UBE2H: variants seen among roughly 807,000 people sequenced by gnomAD.
UBE2H encodes the protein ubiquitin conjugating enzyme E2 H, also known as ubiquitin-conjugating enzyme E2 H.
In UBE2H, 3 loss-of-function variants were observed where a neutral mutation model predicts 29.0. The observed-to-expected ratio is 0.10, with a 90% CI of 0.05 to 0.27. UBE2H has a LOEUF of 0.27. Ranked by LOEUF, UBE2H falls within the 10% of genes least tolerant of loss-of-function variation. The probability of loss-of-function intolerance (pLI) is 1.00; values close to 1 mark genes in which losing one functional copy is unlikely to be tolerated. For missense variants in UBE2H, 68 were observed against 228.2 expected, an observed-to-expected ratio of 0.30 and a Z score of 4.52; for synonymous variants, 69 against 82.9, an observed-to-expected ratio of 0.83 and a Z score of 0.91.
rs544345069 is a variant in UBE2H, at chr7:129,918,873, G to T, written c.53+33630C>A. Among the ~76,000 whole-genome samples, 18 of 152,070 alleles carry T rather than the reference G, an allele frequency of 1.2e-4. 1 individual carries two copies. The highest frequency in any genetic ancestry group is 7.4e-5 in the Non-Finnish European group (5 of 67,988). On this transcript the variant is annotated intron_variant, in intron 1 of 6. Coordinates refer to ENST00000355621, the MANE Select transcript of UBE2H (RefSeq NM_003344.4). ...TGAGGCAGGTAGATCACTTGAGCCC[G>T]GGAGTTTGAAATCAGCCTGGGCAAC...
rs1805285398 is a variant in UBE2H at position 129,834,454 on chromosome 7, G to A, written c.*483C>T. 6.5e-6 allele frequency: 1 copy of A among 154,574 alleles called. No homozygotes were observed. The highest frequency in any genetic ancestry group is 2.4e-5 in the African/African-American group (1 of 41,438). The allele number at this position is 154,574 out of a possible 1,614,324, so 9.6% of individuals were successfully genotyped here. A position where few individuals can be genotyped will look rare whatever the true frequency, so the allele number is the denominator to read the frequency against. ...GAAGGAGCAGCTCTGATTCTTACAT[G>A]GCTGGCTCCGATGCCCCCACAGCAG... On this transcript the variant is annotated 3_prime_UTR_variant, in exon 7 of 7. Coordinates refer to ENST00000355621, the MANE Select transcript of UBE2H (RefSeq NM_003344.4).
intron 3 of UBE2H, among the ~76,000 whole-genome samples, chr7:129,862,988 C>T (rs1019102610): frequency 2.0e-5 from 3 of 152,190 alleles, no homozygotes; most frequent in Admixed American, 2.0e-4. Context: ...GGGCATTATG[C>T]TTCAACGATC....
chr7:129,888,894 A>G (rs573483674), intron 1 of UBE2H, among the ~76,000 whole-genome samples: 39 of 152,306 alleles, frequency 2.6e-4, no homozygotes, highest in Non-Finnish European at 5.4e-4. Flanking sequence ...TATAGCTTAG[A>G]GTAGGAGAGA....
intron 1 of UBE2H, among the ~76,000 whole-genome samples, chr7:129,893,941 C>G (rs1341255778): frequency 6.7e-4 from 102 of 152,138 alleles, no homozygotes; most frequent in Non-Finnish European, 2.9e-5. Context: ...GGTGGATCAC[C>G]TGAGGTCAGG....
chr7:129,854,060 G>GGTTTTTTTTTTTTTTTTTATTTA (rs1554430936), intron 5 of UBE2H, among the ~76,000 whole-genome samples: 1 of 100,312 alleles, frequency 1.0e-5, no homozygotes, highest in Admixed American at 1.1e-4. Context: ...TTTAGTGTTA[G>GGTTTTTTTTTTTTTTTTTATTTA]TTTTTTTTTT....
At chr7:129,912,544 A>G (rs1046815444) in intron 1 of UBE2H, among the ~76,000 whole-genome samples, 2 of 152,174 alleles carry the variant, frequency 1.3e-5, no homozygotes, top group Non-Finnish European at 2.9e-5. Flanking sequence ...TCTTATACAC[A>G]TAGTCTGAAG....
intron 1 of UBE2H, among the ~76,000 whole-genome samples, chr7:129,916,428 TA>T (rs5741663): frequency 0.88 from 120,797 of 137,586 alleles, 52,959 homozygotes; most frequent in South Asian, 0.97. Context: ...TCTTCCCACT[TA>T]AAAAAAAAAA....
intron 1 of UBE2H, among the ~76,000 whole-genome samples, chr7:129,899,460 G>C (rs1806665188): frequency 1.3e-5 from 2 of 152,134 alleles, no homozygotes; most frequent in African/African-American, 4.8e-5. Flanking sequence ...ATTGTCCAGT[G>C]CTTTTTTTTC....
chr7:129,911,665 T>A (rs1424740920), intron 1 of UBE2H, among the ~76,000 whole-genome samples: 1 of 151,962 alleles, frequency 6.6e-6, no homozygotes, highest in African/African-American at 2.4e-5. Flanking sequence ...AGAGACAGGG[T>A]CTCACTCTGT....
intron 1 of UBE2H, among the ~76,000 whole-genome samples, chr7:129,925,654 G>A (rs1330148437): frequency 1.3e-5 from 2 of 152,178 alleles, no homozygotes; most frequent in African/African-American, 4.8e-5. Flanking sequence ...GATGATCAGG[G>A]CAATGTGTAG....
intron 1 of UBE2H, among the ~76,000 whole-genome samples, chr7:129,893,881 T>C (rs1345374695): frequency 1.3e-5 from 2 of 152,212 alleles, no homozygotes; most frequent in African/African-American, 4.8e-5. Flanking sequence ...CTTTTGGGCC[T>C]GGCACAGTAG....
At chr7:129,865,290 C>G (rs374625249) in intron 3 of UBE2H, among the ~76,000 whole-genome samples, 10 of 152,142 alleles carry the variant, frequency 6.6e-5, no homozygotes, top group East Asian at 3.9e-4. Context: ...ATTTCAGCCT[C>G]TGTGTCCAGT....
chr7:129,952,475 A>G lies in UBE2H; in HGVS notation c.53+28T>C, dbSNP rs546521436. On this transcript the variant is annotated intron_variant, in intron 1 of 6. Coordinates refer to ENST00000355621, the MANE Select transcript of UBE2H (RefSeq NM_003344.4). The stretch of plus-strand genomic sequence containing the variant: ...CATCCCCACACCGCCCCCCACACAC[A>G]GCCCGAATTCCCCTCCACGAAGGAT... The G allele has an allele frequency of 2.5e-6, 4 of 1,610,198 alleles. No homozygotes were observed. In the East Asian group the frequency reaches 8.9e-5, roughly 36 times the overall value.
intron 5 of UBE2H, among the ~76,000 whole-genome samples, chr7:129,846,286 C>T (rs970374118): frequency 5.3e-5 from 8 of 151,878 alleles, no homozygotes; most frequent in African/African-American, 1.9e-4. Context: ...GGCAGGAAGA[C>T]GGCCTGAGCC....
At chr7:129,878,008 T>C (rs529233719) in intron 3 of UBE2H, among the ~76,000 whole-genome samples, 1 of 152,200 alleles carries the variant, frequency 6.6e-6, no homozygotes, top group African/African-American at 2.4e-5. Flanking sequence ...CTGAATGAAC[T>C]TGCATGGACT....
Position 129,952,530 on chromosome 7 carries a change from C to T in UBE2H, c.26G>A (p.Arg9Lys). 1 of 1,613,196 alleles carries T rather than the reference C, an allele frequency of 6.2e-7. No homozygotes were observed. The highest frequency in any genetic ancestry group is 8.5e-7 in the Non-Finnish European group (1 of 1,179,456). Residue 9 changes from arginine to lysine, a missense_variant, in exon 1 of 7, where the codon AGG (arginine) becomes AAG (lysine). By Grantham distance (26) the Arg-to-Lys change is conservative. This residue lies in a region of UBE2H where 40 missense variants were observed against 174.1 expected (regional missense o/e 0.23). Coordinates refer to ENST00000355621, the MANE Select transcript of UBE2H (RefSeq NM_003344.4). ...CTTGACCACGTCCGTGTCCATCCGC[C>T]TCTTGCCCGGACTGGGAGATGACAT... MSSPSPGK[R>K]RMDTDVVKLI...
intron 3 of UBE2H, among the ~76,000 whole-genome samples, chr7:129,865,693 G>GT (rs1805890592): frequency 6.6e-6 from 1 of 152,228 alleles, no homozygotes; most frequent in African/African-American, 2.4e-5. Context: ...TGAGAAAACA[G>GT]TTAAGTGAAT....
At chr7:129,846,860 C>T (rs1348591381) in intron 5 of UBE2H, among the ~76,000 whole-genome samples, 1 of 152,160 alleles carries the variant, frequency 6.6e-6, no homozygotes, top group Non-Finnish European at 1.5e-5. Flanking sequence ...ACCTGTCCCC[C>T]AGAAGCCCAA....
intron 3 of UBE2H, among the ~76,000 whole-genome samples, chr7:129,864,797 C>T (rs1017152844): frequency 1.2e-4 from 19 of 152,152 alleles, no homozygotes; most frequent in African/African-American, 4.3e-4. Flanking sequence ...CGTGATCCAC[C>T]CACCTCAGCC....
Sources: gnomAD v4.1 joint callset for allele counts (sites outside exome capture counted in the v4.1 genomes callset) on GRCh38, gnomAD v4.1.1 for gene constraint, gnomAD v4.1.1 regional missense constraint, MANE v1.5 for transcripts, NCBI Gene and HGNC (gene_info 2026-07-23, HGNC 2026-07-21) for gene names.